The following CTSD variants were observed in gnomAD, a reference collection of about 807,000 sequenced individuals.
The protein encoded by CTSD is cathepsin D.
CTSD carries 28 observed loss-of-function variants against 43.6 expected under a neutral mutation model. That is an observed-to-expected ratio of 0.64 (90% CI 0.48 to 0.88). The LOEUF (loss-of-function observed/expected upper bound fraction) is 0.88. Among genes scored for constraint, CTSD ranks in the 40% least tolerant of loss-of-function variants. The pLI is 0.00. For synonymous variants in CTSD, 270 were observed against 249.8 expected, an observed-to-expected ratio of 1.08 and a Z score of -0.76; for missense variants, 485 against 555.2, an observed-to-expected ratio of 0.87 and a Z score of 1.27.
chr11:1,754,508 A>G (rs865960992), intron 6 of CTSD, among the ~76,000 whole-genome samples: 160 of 24,458 alleles, frequency 6.5e-3, no homozygotes, highest in Middle Eastern at 0.022. Flanking sequence ...GTGGGGATGG[A>G]GGGATGGAGG....
At chr11:1,757,828 CGCT>C (rs1407339466) in intron 4 of CTSD, 5 of 527,136 alleles carry the variant, frequency 9.5e-6, no homozygotes, top group Non-Finnish European at 1.4e-5. Context: ...CCCCTTGCTC[CGCT>C]CCCTGCTCCG....
At chr11:1,763,548 G>A (rs1845909178) in intron 1 of CTSD, 1 of 503,706 alleles carries the variant, frequency 2.0e-6, no homozygotes, top group South Asian at 2.6e-5. Context: ...GTACAACCCA[G>A]GGTGGCATAT....
rs1183099343 is a variant in CTSD at position 1,754,578 on chromosome 11, GTC to G, written c.827+326_827+327del. The stretch of plus-strand genomic sequence containing the variant: ...GATGGAGGGATGGAGGAGATGGAGG[GTC>G]ATGAAGAGTCACAGAGGGATGAGGG... On this transcript the variant is annotated intron_variant, in intron 6 of 8. Coordinates refer to ENST00000236671, the MANE Select transcript of CTSD (RefSeq NM_001909.5). Among the ~76,000 whole-genome samples, 83 of 140,496 alleles carry G rather than the reference GTC, an allele frequency of 5.9e-4. 1 individual carries two copies. The highest frequency in any genetic ancestry group is 1.4e-3 in the African/African-American group (51 of 37,186). 92.2% of individuals were successfully genotyped at this position (140,496 alleles called of 152,430 possible).
At chr11:1,761,504 C>T (rs1044290373) in intron 1 of CTSD, 36 bp from the exon 2 acceptor site, 4 of 1,611,940 alleles carry the variant, frequency 2.5e-6, no homozygotes, top group Non-Finnish European at 3.4e-6. Context: ...CAGGGAGGCC[C>T]TCCCGCCTGC....
In CTSD at chr11:1,753,406, G is replaced by A. The variant is rs923130443; in HGVS notation, c.*97C>T. On this transcript the variant is annotated 3_prime_UTR_variant, in exon 9 of 9. Coordinates refer to ENST00000236671, the MANE Select transcript of CTSD (RefSeq NM_001909.5). ...AGGGCGCCCAGGACAGTGGGCGGGC[G>A]AGTGTGTGGGTGTGTGTGGGAGGGG... The A allele has an allele frequency of 4.8e-6, 7 of 1,450,562 alleles. No homozygotes were observed. The highest frequency in any genetic ancestry group is 3.4e-5 in the Admixed American group (2 of 59,568). 89.9% of individuals were successfully genotyped at this position (1,450,562 alleles called of 1,614,324 possible). A position where few individuals can be genotyped will look rare whatever the true frequency, so the allele number is the denominator to read the frequency against.
chr11:1,761,309 G>A lies in CTSD; in HGVS notation c.228C>T (p.Asp76=), dbSNP rs587780914. 1.4e-5 allele frequency: 23 copies of A among 1,613,658 alleles called. No homozygotes were observed. The highest frequency in any genetic ancestry group is 1.7e-5 in the Non-Finnish European group (20 of 1,179,982). ...PIPEVLKNYM[D]AQYYGEIGIG... ...AGCAGGGCTAAGACCTCATACTCACGTCCATGTAGTTCTTGAGCACCTCGG... is the reference window on the plus strand; with the variant it reads ...AGCAGGGCTAAGACCTCATACTCACATCCATGTAGTTCTTGAGCACCTCGG... The change falls in exon 2 of 9, where the codon GAC becomes GAT. Residue 76 remains aspartate, a splice_region_variant and synonymous_variant. Transcript: ENST00000236671.
At chr11:1,754,528 GATGGAGGGATGGAGGGA>G (rs1845779741) in intron 6 of CTSD, among the ~76,000 whole-genome samples, 2 of 36,680 alleles carry the variant, frequency 5.5e-5, no homozygotes, top group Non-Finnish European at 5.9e-5. Context: ...GGATGGAGGG[GATGGAGGGATGGAGGGA>G]TGGAGGGGAT....
intron 6 of CTSD, among the ~76,000 whole-genome samples, 174 bp downstream of exon 6, chr11:1,754,732 A>AGCATGGAGGGGCAAGGAGGG (rs1186853636): frequency 6.8e-6 from 1 of 147,976 alleles, no homozygotes; most frequent in Non-Finnish European, 1.5e-5. Flanking sequence ...GGTGATGGGG[A>AGCATGGAGGGGCAAGGAGGG]GCATGGAGGG....
intron 6 of CTSD, chr11:1,754,368 A>C: frequency 2.8e-6 from 1 of 358,192 alleles, no homozygotes; most frequent in Non-Finnish European, 5.1e-6. Context: ...GGAGGGATGG[A>C]GGGGATGGAG....
Position 1,757,552 on chromosome 11 carries a change from G to T in CTSD, c.476C>A (p.Pro159His). ...GYLSQDTVSV[P>H]CQSASSASAL... ...AGAGGCTGACGACGCTGACTGGCAGGGCACCTGCAGGCCAGGGCAGAGTCA... is the reference window on the plus strand; with the variant it reads ...AGAGGCTGACGACGCTGACTGGCAGTGCACCTGCAGGCCAGGGCAGAGTCA... Residue 159 changes from proline to histidine, a missense_variant, in exon 5 of 9, where the codon CCC becomes CAC. Physicochemically the swap from Pro to His is moderately conservative, Grantham distance 77. Coordinates refer to ENST00000236671, the MANE Select transcript of CTSD (RefSeq NM_001909.5). 1 of 1,608,212 alleles carries T rather than the reference G, an allele frequency of 6.2e-7. No individual in the cohort carries two copies.
intron 1 of CTSD, 46 bp downstream of exon 1, chr11:1,763,746 G>A: frequency 6.7e-7 from 1 of 1,494,290 alleles, no homozygotes; most frequent in Non-Finnish European, 8.9e-7. Flanking sequence ...GGACCTCGGC[G>A]CCGCGACCCC....
At position 1,759,118 on chromosome 11, in the gene CTSD, C is replaced by A; in HGVS notation, c.353-31G>T. 3 of 1,506,122 alleles carry A rather than the reference C, an allele frequency of 2.0e-6. No homozygotes were observed. The South Asian group carries it at 3.4e-5, about 17-fold the overall frequency. The allele number at this position is 1,506,122 out of a possible 1,614,324, so 93.3% of individuals were successfully genotyped here. A position where few individuals can be genotyped will look rare whatever the true frequency, so the allele number is the denominator to read the frequency against. ...CCGGGCGACAAGGGGGCCCGCCGGT[C>A]ATCCCGCAGCCCACGCCACGGCCTT... On this transcript the variant is annotated intron_variant, in intron 3 of 8. Transcript: ENST00000236671.
intron 8 of CTSD, 22 bp downstream of exon 8, chr11:1,753,781 C>T (rs745578826): frequency 1.8e-5 from 29 of 1,610,618 alleles, no homozygotes; most frequent in African/African-American, 4.0e-5. Flanking sequence ...CTGGGGCGTG[C>T]GGCACCCCAT....
intron 2 of CTSD, among the ~76,000 whole-genome samples, chr11:1,759,973 C>T (rs1159259555): frequency 1.3e-5 from 2 of 152,182 alleles, no homozygotes; most frequent in Non-Finnish European, 2.9e-5. Flanking sequence ...CAGACGTGGC[C>T]CTCAGCCTGA....
At chr11:1,753,727 T>C in intron 8 of CTSD, 57 bp from the exon 9 acceptor site, 1 of 1,607,934 alleles carries the variant, frequency 6.2e-7, no homozygotes, top group Non-Finnish European at 8.5e-7. Context: ...CCCCCACCTG[T>C]TGCCCGCTCA....
rs775828680 is a variant in CTSD, at chr11:1,759,506, C to G, written c.352+10G>C. 2.2e-5 allele frequency: 35 copies of G among 1,612,992 alleles called. No homozygotes were observed. The South Asian group carries it at 3.2e-4, about 15-fold the overall frequency. ...GGACCTGGGCGACGGGGCCAGGGTTCGTGACTCACAGCAAGCGATGTCCAG... is the reference window on the plus strand; with the variant it reads ...GGACCTGGGCGACGGGGCCAGGGTTGGTGACTCACAGCAAGCGATGTCCAG... On this transcript the variant is annotated intron_variant, in intron 3 of 8. Transcript: ENST00000236671.
intron 6 of CTSD, among the ~76,000 whole-genome samples, chr11:1,754,670 A>AGGGATGAG (rs1454155440): frequency 1.6e-5 from 2 of 127,154 alleles, no homozygotes; most frequent in Admixed American, 1.6e-4. Flanking sequence ...AGAGTCACAG[A>AGGGATGAG]GGCATGGAGG....
intron 6 of CTSD, among the ~76,000 whole-genome samples, chr11:1,754,415 G>GA (rs2133658568): frequency 2.0e-5 from 3 of 146,494 alleles, no homozygotes; most frequent in East Asian, 2.1e-4. Context: ...GGGGATGAAG[G>GA]GATGGAGGGG....
intron 3 of CTSD, among the ~76,000 whole-genome samples, chr11:1,759,307 G>A (rs570293721): frequency 3.7e-4 from 57 of 152,316 alleles, no homozygotes; most frequent in African/African-American, 1.3e-3. Flanking sequence ...CTCCCTCTGT[G>A]GCCACCCCAG....
Sources: allele counts gnomAD v4.1 joint callset (sites outside exome capture counted in the v4.1 genomes callset), GRCh38; gene constraint gnomAD v4.1.1; transcripts MANE v1.5; gene names NCBI Gene and HGNC (gene_info 2026-07-23, HGNC 2026-07-21).